The following ERC1 variants were observed in gnomAD, a reference collection of about 807,000 sequenced individuals.
ERC1 encodes the protein RAB6 interacting protein 2.
Under a neutral mutation model 132.0 loss-of-function variants are expected in ERC1, and 56 were observed. The observed-to-expected ratio is 0.42, with a 90% confidence interval of 0.34 to 0.53. The LOEUF (loss-of-function observed/expected upper bound fraction) is 0.53. Among genes scored for constraint, ERC1 ranks in the 20% least tolerant of loss-of-function variants. ERC1 has a pLI of 0.03. For synonymous variants in ERC1, 478 were observed against 476.1 expected, an observed-to-expected ratio of 1.00 and a Z score of -0.05; for missense variants, 1,202 against 1,349.9, an observed-to-expected ratio of 0.89 and a Z score of 1.72.
chr12:1,211,245 T>G (rs1383792364), intron 12 of ERC1, among the ~76,000 whole-genome samples: 1 of 151,996 alleles, frequency 6.6e-6, no homozygotes, highest in Non-Finnish European at 1.5e-5. Flanking sequence ...GCCTCCTGTT[T>G]TCAAGCGATT....
intron 8 of ERC1, among the ~76,000 whole-genome samples, chr12:1,174,234 G>A (rs1339276453): frequency 6.6e-6 from 1 of 152,234 alleles, no homozygotes; most frequent in Non-Finnish European, 1.5e-5. Flanking sequence ...GCACCTATCT[G>A]TGTCTATTTC....
chr12:1,293,907 AT>A (rs113500677), intron 15 of ERC1, among the ~76,000 whole-genome samples: 6 of 152,250 alleles, frequency 3.9e-5, no homozygotes, highest in African/African-American at 1.4e-4. Flanking sequence ...ACTTGGAAGC[AT>A]TTTTCACAAT....
chr12:1,339,046 G>A (rs1256228257), intron 15 of ERC1, among the ~76,000 whole-genome samples: 1 of 152,248 alleles, frequency 6.6e-6, no homozygotes, highest in African/African-American at 2.4e-5. Context: ...AACAGCAGCA[G>A]CGCAGCAGAG....
At chr12:1,363,543 C>CTTTTTTTTTTTTTTTT (rs34769986) in intron 15 of ERC1, among the ~76,000 whole-genome samples, 1 of 94,336 alleles carries the variant, frequency 1.1e-5, no homozygotes. Flanking sequence ...TATTTCTTTC[C>CTTTTTTTTTTTTTTTT]TTTTTTTTTT....
chr12:1,268,329 G>C (rs2077602201), intron 14 of ERC1, among the ~76,000 whole-genome samples: 1 of 152,016 alleles, frequency 6.6e-6, no homozygotes, highest in Non-Finnish European at 1.5e-5. Flanking sequence ...ACTTTCACTT[G>C]TACCTTTTTC....
At chr12:1,282,959 C>T (rs2078784354) in intron 14 of ERC1, among the ~76,000 whole-genome samples, 1 of 152,134 alleles carries the variant, frequency 6.6e-6, no homozygotes, top group African/African-American at 2.4e-5. Flanking sequence ...CAAGATTTTC[C>T]ATACGCATCT....
intron 15 of ERC1, among the ~76,000 whole-genome samples, chr12:1,347,341 G>GT (rs1343700332): frequency 6.6e-6 from 1 of 152,154 alleles, no homozygotes; most frequent in East Asian, 1.9e-4. Context: ...AAAACAATTA[G>GT]TTTTTTTAAA....
At chr12:1,181,294 T>C (rs909946796) in intron 9 of ERC1, among the ~76,000 whole-genome samples, 1 of 152,176 alleles carries the variant, frequency 6.6e-6, no homozygotes, top group Non-Finnish European at 1.5e-5. Context: ...GTGAATAATA[T>C]ATAGAGAAGA....
intron 17 of ERC1, among the ~76,000 whole-genome samples, chr12:1,413,312 G>A (rs2091942955): frequency 6.6e-6 from 1 of 152,090 alleles, no homozygotes; most frequent in Non-Finnish European, 1.5e-5. Flanking sequence ...TCCATGTGAG[G>A]GCCAGACTCG....
intron 16 of ERC1, among the ~76,000 whole-genome samples, chr12:1,401,972 G>T (rs937063432): frequency 6.6e-6 from 1 of 152,118 alleles, no homozygotes; most frequent in Non-Finnish European, 1.5e-5. Flanking sequence ...AACAGACTGA[G>T]AAGGTACATT....
intron 14 of ERC1, among the ~76,000 whole-genome samples, chr12:1,263,451 A>G: frequency 6.6e-6 from 1 of 152,180 alleles, no homozygotes; most frequent in Non-Finnish European, 1.5e-5. Context: ...TCCTAGATAA[A>G]TGCCTTGTCT....
intron 15 of ERC1, among the ~76,000 whole-genome samples, chr12:1,299,884 A>G (rs751632587): frequency 2.2e-4 from 34 of 152,330 alleles, no homozygotes; most frequent in Non-Finnish European, 4.6e-4. Flanking sequence ...TTTAATAGAC[A>G]AAGTCTTTGA....
intron 14 of ERC1, among the ~76,000 whole-genome samples, chr12:1,280,240 C>A (rs758532692): frequency 6.6e-6 from 1 of 152,068 alleles, no homozygotes; most frequent in Admixed American, 6.6e-5. Context: ...GATGGCTTCC[C>A]GCTGATTTTT....
chr12:1,417,395 C>T (rs2092168535), intron 17 of ERC1, among the ~76,000 whole-genome samples: 1 of 151,908 alleles, frequency 6.6e-6, no homozygotes, highest in African/African-American at 2.4e-5. Flanking sequence ...ATCTCATGAG[C>T]ATGTACTGAA....
chr12:1,165,086 G>A (rs919007946), intron 8 of ERC1, among the ~76,000 whole-genome samples: 5 of 152,148 alleles, frequency 3.3e-5, no homozygotes, highest in African/African-American at 9.7e-5. Flanking sequence ...GTAATTCATA[G>A]GAAGAAAGTA....
At chr12:1,346,432 C>T (rs2084459879) in intron 15 of ERC1, among the ~76,000 whole-genome samples, 1 of 152,178 alleles carries the variant, frequency 6.6e-6, no homozygotes, top group Non-Finnish European at 1.5e-5. Flanking sequence ...CACCTCACTT[C>T]TGAATTGCTT....
At chr12:1,330,228 A>G (rs999769221) in intron 15 of ERC1, among the ~76,000 whole-genome samples, 3 of 152,152 alleles carry the variant, frequency 2.0e-5, no homozygotes, top group Admixed American at 2.0e-4. Context: ...CAACACATCT[A>G]CCTTTTCTGT....
At chr12:1,365,805 AAGAT>A (rs1309403131) in intron 15 of ERC1, among the ~76,000 whole-genome samples, 3 of 152,216 alleles carry the variant, frequency 2.0e-5, no homozygotes, top group Non-Finnish European at 4.4e-5. Flanking sequence ...TAATACCTGA[AAGAT>A]AGACACAACC....
intron 15 of ERC1, among the ~76,000 whole-genome samples, chr12:1,304,978 A>AT (rs530357829): frequency 2.4e-3 from 365 of 151,210 alleles, no homozygotes; most frequent in African/African-American, 8.3e-3. Context: ...TTTAGTAGAG[A>AT]CGGGTTTCAC....
Sources: allele counts gnomAD v4.1 joint callset (sites outside exome capture counted in the v4.1 genomes callset), GRCh38; gene constraint gnomAD v4.1.1; transcripts MANE v1.5; gene names NCBI Gene and HGNC (gene_info 2026-07-23, HGNC 2026-07-21).